The following FYB1 variants were observed in gnomAD, a reference collection of about 807,000 sequenced individuals.
FYB1 encodes the protein FYN-binding protein 1.
Under a neutral mutation model 94.1 loss-of-function variants are expected in FYB1, and 41 were observed. The ratio of observed to expected loss-of-function variants is 0.44; its 90% CI spans 0.34 to 0.57. FYB1 has a LOEUF of 0.57. FYB1 is among the 20% of genes least tolerant of loss of function. The probability of loss-of-function intolerance (pLI) is 0.02; values close to 1 mark genes in which losing one functional copy is unlikely to be tolerated. For synonymous variants in FYB1, 367 were observed against 353.2 expected, an observed-to-expected ratio of 1.04 and a Z score of -0.44; for missense variants, 1,050 against 976.8, an observed-to-expected ratio of 1.07 and a Z score of -1.00.
At chr5:39,214,590 A>G (rs1437669559) in intron 1 of FYB1, among the ~76,000 whole-genome samples, 1 of 152,218 alleles carries the variant, frequency 6.6e-6, no homozygotes, top group African/African-American at 2.4e-5. Flanking sequence ...ATTCAAGGAG[A>G]AACCTTGAAG....
chr5:39,140,912 G>A (rs1421318216), intron 4 of FYB1, among the ~76,000 whole-genome samples, 183 bp downstream of exon 4: 4 of 152,196 alleles, frequency 2.6e-5, no homozygotes, highest in Admixed American at 2.0e-4. Flanking sequence ...TTTGTCTGTA[G>A]TAAGGAAGGA....
intron 2 of FYB1, among the ~76,000 whole-genome samples, chr5:39,157,332 G>A (rs566243652): frequency 1.3e-5 from 2 of 152,148 alleles, no homozygotes; most frequent in Non-Finnish European, 2.9e-5. Flanking sequence ...TTTCCTCTTA[G>A]TGTGATTTTA....
At chr5:39,205,952 T>C (rs1748810990) in intron 1 of FYB1, among the ~76,000 whole-genome samples, 1 of 152,236 alleles carries the variant, frequency 6.6e-6, no homozygotes, top group African/African-American at 2.4e-5. Context: ...TTGCACGTAA[T>C]ATATATGTAA....
intron 2 of FYB1, among the ~76,000 whole-genome samples, chr5:39,170,651 T>G (rs1745172495): frequency 6.6e-6 from 1 of 152,028 alleles, no homozygotes; most frequent in Non-Finnish European, 1.5e-5. Context: ...ATTATTTGCC[T>G]ACAGCTGATG....
intron 12 of FYB1, 42 bp downstream of exon 12, chr5:39,125,956 A>C (rs1436749906): frequency 1.3e-6 from 2 of 1,581,664 alleles, no homozygotes; most frequent in South Asian, 2.2e-5. Context: ...AATACATATT[A>C]GTGTAGTTAT....
At chr5:39,175,721 A>G (rs981324761) in intron 2 of FYB1, among the ~76,000 whole-genome samples, 5 of 149,220 alleles carry the variant, frequency 3.4e-5, no homozygotes, top group Non-Finnish European at 1.5e-5. Context: ...CTCAGAACTC[A>G]TTGGCTGGTG....
At chr5:39,214,130 G>C (rs1749657384) in intron 1 of FYB1, among the ~76,000 whole-genome samples, 1 of 152,034 alleles carries the variant, frequency 6.6e-6, no homozygotes, top group Non-Finnish European at 1.5e-5. Context: ...CACAGAGAGA[G>C]TCATCTATTA....
intron 1 of FYB1, among the ~76,000 whole-genome samples, chr5:39,235,113 T>C (rs1457871836): frequency 1.3e-5 from 2 of 151,496 alleles, no homozygotes; most frequent in Non-Finnish European, 2.9e-5. Flanking sequence ...AAATACAAAC[T>C]CAATAATCAA....
chr5:39,151,710 T>C (rs1219264132), intron 3 of FYB1, among the ~76,000 whole-genome samples: 2 of 152,226 alleles, frequency 1.3e-5, no homozygotes, highest in Admixed American at 6.5e-5. Context: ...AAAAAATACT[T>C]GTTGCATGAC....
At chr5:39,231,388 G>A (rs2150571720) in intron 1 of FYB1, among the ~76,000 whole-genome samples, 1 of 152,128 alleles carries the variant, frequency 6.6e-6, no homozygotes, top group African/African-American at 2.4e-5. Context: ...AGTACCTTTT[G>A]GGTTACAAAG....
At chr5:39,143,269 T>C (rs1742343818) in intron 3 of FYB1, among the ~76,000 whole-genome samples, 1 of 152,140 alleles carries the variant, frequency 6.6e-6, no homozygotes, top group South Asian at 2.1e-4. Flanking sequence ...ACTAGGTTTC[T>C]TTTCTTGGTG....
In FYB1 at chr5:39,127,059, CAAAAAAAAAAAAA is replaced by C. The variant is rs200980181; in HGVS notation, c.1907+669_1907+681del. 6.5e-5 allele frequency among the ~76,000 whole-genome samples: 5 copies of C among 77,486 alleles called. No homozygotes were observed. In the East Asian group the frequency reaches 1.4e-3, roughly 22 times the overall value. The allele number at this position is 77,486 out of a possible 152,430, so 50.8% of individuals were successfully genotyped here. A position where few individuals can be genotyped will look rare whatever the true frequency, so the allele number is the denominator to read the frequency against. On this transcript the variant is annotated intron_variant, in intron 11 of 18. Transcript: ENST00000512982. Reference sequence around the variant, plus strand: ...GGCAACAAGAGCAAAACTCAGGTCTCAAAAAAAAAAAAAAAAAAAAAAAAGAAATCTTAAACTT... The same window carrying C: ...GGCAACAAGAGCAAAACTCAGGTCTCAAAAAAAAAAAGAAATCTTAAACTT...
In FYB1 at chr5:39,270,351, A is replaced by G. The variant is rs539895255; in HGVS notation, c.-28+4052T>C. Among the ~76,000 whole-genome samples the G allele has an allele frequency of 2.6e-5, 4 of 152,294 alleles. No individual in the cohort carries two copies. In the East Asian group the frequency reaches 7.7e-4, roughly 29 times the overall value. ...AGACAGTGCTCTTCCCCTATTCTGA[A>G]GGCTAGAATCAAAAAAAGGGAACTC... is the stretch of plus-strand genomic sequence containing the variant. On this transcript the variant is annotated intron_variant, in intron 1 of 1. Coordinates refer to the FYB1 transcript ENST00000510188.
chr5:39,153,035 T>C (rs980685342), intron 3 of FYB1, among the ~76,000 whole-genome samples: 8 of 152,166 alleles, frequency 5.3e-5, no homozygotes, highest in Admixed American at 6.5e-5. Flanking sequence ...GTTATAGAGA[T>C]GATATATGTA....
At chr5:39,239,991 G>A (rs1031035531) in intron 1 of FYB1, among the ~76,000 whole-genome samples, 12 of 152,044 alleles carry the variant, frequency 7.9e-5, no homozygotes, top group African/African-American at 2.9e-4. Context: ...TAGACCAATG[G>A]AATGGGATAT....
intron 1 of FYB1, among the ~76,000 whole-genome samples, chr5:39,242,645 G>T (rs927487836): frequency 6.6e-6 from 1 of 152,080 alleles, no homozygotes; most frequent in African/African-American, 2.4e-5. Context: ...AATCCTTTGG[G>T]TATATACCCA....
At chr5:39,234,931 C>T (rs1469177836) in intron 1 of FYB1, among the ~76,000 whole-genome samples, 2 of 151,972 alleles carry the variant, frequency 1.3e-5, no homozygotes, top group African/African-American at 2.4e-5. Flanking sequence ...AGAACAAATA[C>T]CTAATGCATG....
At chr5:39,270,889 T>C (rs1379652333) in intron 1 of FYB1, 1 of 324,848 alleles carries the variant, frequency 3.1e-6, no homozygotes, top group Non-Finnish European at 5.6e-6. Flanking sequence ...CTATACATTA[T>C]TAATGTTTTA....
intron 2 of FYB1, among the ~76,000 whole-genome samples, chr5:39,193,605 G>A (rs1747555856): frequency 1.3e-5 from 2 of 152,206 alleles, no homozygotes; most frequent in African/African-American, 4.8e-5. Flanking sequence ...ACAAGCCTGT[G>A]AATTCTCTCT....
Sources: allele counts gnomAD v4.1 joint callset (sites outside exome capture counted in the v4.1 genomes callset), GRCh38; gene constraint gnomAD v4.1.1; transcripts MANE v1.5; gene names NCBI Gene and HGNC (gene_info 2026-07-23, HGNC 2026-07-21).